Variants in KPNA6 observed in about 807,000 individuals in gnomAD.
KPNA6 encodes the protein karyopherin subunit alpha 6, also known as importin subunit alpha-7.
In KPNA6, 9 loss-of-function variants were observed where a neutral mutation model predicts 72.0. The ratio of observed to expected loss-of-function variants is 0.13; its 90% CI spans 0.08 to 0.22. The LOEUF (loss-of-function observed/expected upper bound fraction) is 0.22, where lower values mean the gene tolerates loss of function less well. Among genes scored for constraint, KPNA6 ranks in the 10% least tolerant of loss-of-function variants. The probability of loss-of-function intolerance (pLI) is 1.00; values close to 1 mark genes in which losing one functional copy is unlikely to be tolerated. For synonymous variants in KPNA6, 219 were observed against 242.1 expected (o/e 0.90, Z 0.89); for missense variants, 374 against 655.7 (o/e 0.57, Z 4.69).
chr1:32,139,353 C>T (rs995677668), intron 1 of KPNA6, among the ~76,000 whole-genome samples: 7 of 151,990 alleles, frequency 4.6e-5, no homozygotes, highest in African/African-American at 9.7e-5. Flanking sequence ...TAAGGAAAAG[C>T]GTTGAAGGCA....
At chr1:32,154,980 A>G (rs1390203308) in intron 2 of KPNA6, among the ~76,000 whole-genome samples, 2 of 152,032 alleles carry the variant, frequency 1.3e-5, no homozygotes, top group African/African-American at 2.4e-5. Context: ...ACGTGGTGGC[A>G]TGCGCCTGCA....
intron 10 of KPNA6, 25 bp downstream of exon 10, chr1:32,163,338 CT>C: frequency 1.3e-6 from 2 of 1,540,074 alleles, no homozygotes; most frequent in Non-Finnish European, 1.8e-6. Flanking sequence ...GGTGCAGGAT[CT>C]TAGACCAGCT....
In KPNA6 at chr1:32,115,835, C is replaced by T. The variant is rs1430752135; in HGVS notation, c.4+7701C>T. Among the ~76,000 whole-genome samples, 5 of 152,258 alleles carry T rather than the reference C, an allele frequency of 3.3e-5. No homozygotes were observed. In the East Asian group the frequency reaches 9.7e-4, roughly 29 times the overall value. On this transcript the variant is annotated intron_variant, in intron 1 of 13. Transcript: ENST00000373625. ...CTCAGCTCACTGCAACCTCTTCCTC[C>T]CAGATTCAAGCGATTCTCCTGCCTC...
intron 1 of KPNA6, among the ~76,000 whole-genome samples, chr1:32,144,181 T>C (rs1557471879): frequency 6.6e-6 from 1 of 152,180 alleles, no homozygotes; most frequent in Non-Finnish European, 1.5e-5. Context: ...TTGGGGCCAT[T>C]ATTAGGTAAA....
intron 1 of KPNA6, among the ~76,000 whole-genome samples, chr1:32,144,465 A>G (rs1641897317): frequency 6.6e-6 from 1 of 152,234 alleles, no homozygotes; most frequent in Non-Finnish European, 1.5e-5. Flanking sequence ...GTATAAAAGT[A>G]GAATTGCTGG....
rs747367931 is a variant in KPNA6 at position 32,166,098 on chromosome 1, G to A, written c.991-7G>A. 1 of 1,603,762 alleles carries A rather than the reference G, an allele frequency of 6.2e-7. No homozygotes were observed. The highest frequency in any genetic ancestry group is 8.5e-7 in the Non-Finnish European group (1 of 1,177,238). On this transcript the variant is annotated splice_polypyrimidine_tract_variant and splice_region_variant and intron_variant, in intron 10 of 13. Transcript: ENST00000373625. Reference sequence around the variant, plus strand: ...TTCTTTTGTTTCCTGTGCTTTTGGTGTTCTAGGTCATTCTTAACTGTTCAG... The same window carrying A: ...TTCTTTTGTTTCCTGTGCTTTTGGTATTCTAGGTCATTCTTAACTGTTCAG...
At chr1:32,135,946 G>A (rs1412789733) in intron 1 of KPNA6, among the ~76,000 whole-genome samples, 1 of 152,012 alleles carries the variant, frequency 6.6e-6, no homozygotes, top group Non-Finnish European at 1.5e-5. Context: ...AAAAATAATA[G>A]GACTTCTTTG....
intron 1 of KPNA6, among the ~76,000 whole-genome samples, chr1:32,119,003 T>TAC (rs1557456980): frequency 1.7e-5 from 1 of 58,920 alleles, no homozygotes; most frequent in Non-Finnish European, 3.0e-5. Context: ...TATACATATA[T>TAC]ATATATATAT....
chr1:32,169,683 A>G (rs913299508), intron 12 of KPNA6, among the ~76,000 whole-genome samples, 199 bp from the exon 13 acceptor site: 1 of 147,564 alleles, frequency 6.8e-6, no homozygotes, highest in African/African-American at 2.5e-5. Context: ...GATGGTCGCG[A>G]TCTCTTGACA....
At chr1:32,137,533 A>G (rs893469657) in intron 1 of KPNA6, among the ~76,000 whole-genome samples, 5 of 152,210 alleles carry the variant, frequency 3.3e-5, no homozygotes, top group African/African-American at 1.2e-4. Context: ...TTTTATTTAT[A>G]TTTCATTGAA....
chr1:32,143,828 T>C (rs1488851979), intron 1 of KPNA6, among the ~76,000 whole-genome samples: 1 of 152,294 alleles, frequency 6.6e-6, no homozygotes, highest in East Asian at 1.9e-4. Flanking sequence ...AGGTACCTCA[T>C]GTAAGTGGAA....
At chr1:32,162,212 A>G (rs1233927695) in intron 8 of KPNA6, 149 bp from the exon 9 acceptor site, 1 of 920,490 alleles carries the variant, frequency 1.1e-6, no homozygotes, top group Non-Finnish European at 1.7e-6. Context: ...GAAAAGGTAG[A>G]CCCAAATGTT....
At chr1:32,124,796 C>T (rs754630928) in intron 1 of KPNA6, among the ~76,000 whole-genome samples, 3 of 150,076 alleles carry the variant, frequency 2.0e-5, no homozygotes, top group Non-Finnish European at 3.0e-5. Flanking sequence ...TGTGAGCCAA[C>T]GTGTTCGGCC....
chr1:32,149,158 AT>A (rs2124041827), intron 1 of KPNA6, among the ~76,000 whole-genome samples: 1 of 151,282 alleles, frequency 6.6e-6, no homozygotes, highest in East Asian at 1.9e-4. Context: ...CCTCTAGTGA[AT>A]TTTTTATTTC....
chr1:32,171,468 C>A lies in KPNA6; in HGVS notation c.*574C>A, dbSNP rs1005117738. The A allele has an allele frequency of 6.6e-6, 1 of 151,840 alleles. No individual in the cohort carries two copies. The highest frequency in any genetic ancestry group is 6.6e-5 in the Admixed American group (1 of 15,238). 9.4% of individuals were successfully genotyped at this position (151,840 alleles called of 1,614,324 possible). On this transcript the variant is annotated 3_prime_UTR_variant, in exon 14 of 14. Transcript: ENST00000373625. ...AGTTATTTAATTTTTTTTTCTTTTG[C>A]ACATTTTTCTTGTATTAAGATTGCT... is the stretch of plus-strand genomic sequence containing the variant.
At position 32,173,037 on chromosome 1, in the gene KPNA6, CA is replaced by C; in HGVS notation, c.*2144del. On this transcript the variant is annotated 3_prime_UTR_variant, in exon 14 of 14. Transcript: ENST00000373625. ...TTGAAAAATCCCACCCATGTTGTACCACCTTGGTGAGTCATATGCCACTCAT... is the reference window on the plus strand; with the variant it reads ...TTGAAAAATCCCACCCATGTTGTACCCCTTGGTGAGTCATATGCCACTCAT... 1 of 398,238 alleles carries C rather than the reference CA, an allele frequency of 2.5e-6. No homozygotes were observed. The highest frequency in any genetic ancestry group is 3.6e-5 in the East Asian group (1 of 28,052). The allele number at this position is 398,238 out of a possible 1,614,324, so 24.7% of individuals were successfully genotyped here. A position where few individuals can be genotyped will look rare whatever the true frequency, so the allele number is the denominator to read the frequency against.
At chr1:32,137,711 A>C (rs1004225660) in intron 1 of KPNA6, among the ~76,000 whole-genome samples, 1 of 152,192 alleles carries the variant, frequency 6.6e-6, no homozygotes, top group African/African-American at 2.4e-5. Context: ...GGTGTAAACT[A>C]AAATTTATTG....
intron 13 of KPNA6, among the ~76,000 whole-genome samples, 179 bp from the exon 14 acceptor site, chr1:32,170,528 G>A (rs1642416499): frequency 6.6e-6 from 1 of 152,040 alleles, no homozygotes; most frequent in Non-Finnish European, 1.5e-5. Context: ...CTTTCCTTTG[G>A]GATTCTGTAG....
At chr1:32,164,889 T>C (rs1478884144) in intron 10 of KPNA6, among the ~76,000 whole-genome samples, 1 of 151,978 alleles carries the variant, frequency 6.6e-6, no homozygotes, top group Non-Finnish European at 1.5e-5. Flanking sequence ...AAAAAAAAAC[T>C]TTTAACTTAT....
Sources: gnomAD v4.1 joint callset for allele counts (sites outside exome capture counted in the v4.1 genomes callset) on GRCh38, gnomAD v4.1.1 for gene constraint, MANE v1.5 for transcripts, NCBI Gene and HGNC (gene_info 2026-07-23, HGNC 2026-07-21) for gene names.